UPK3A: variants seen among roughly 807,000 people sequenced by gnomAD.
The protein encoded by UPK3A is uroplakin 3A.
A neutral mutation model predicts 27.6 loss-of-function variants in UPK3A; 32 were observed. That is an observed-to-expected ratio of 1.16 (90% CI 0.87 to 1.55). The LOEUF is 1.55. Among genes scored for constraint, UPK3A ranks in the 40% most tolerant of loss-of-function variants. The pLI, the probability that UPK3A is intolerant of heterozygous loss-of-function variation, is 0.00. For synonymous variants in UPK3A, 171 were observed against 163.9 expected (o/e 1.04, Z -0.33); for missense variants, 370 against 367.9 (o/e 1.01, Z -0.05).
Position 45,290,245 on chromosome 22 carries a change from T to C in UPK3A, c.571+1102T>C, listed in dbSNP as rs111796022. On this transcript the variant is annotated intron_variant, in intron 4 of 5. Coordinates refer to ENST00000216211, the MANE Select transcript of UPK3A (RefSeq NM_006953.4). The stretch of plus-strand genomic sequence containing the variant: ...TGATGGTAATTTTGGGCAAATGATA[T>C]CCTAACTTAAGACCTCCTCCCGCCA... Among the ~76,000 whole-genome samples the C allele has an allele frequency of 7.5e-3, 1,136 of 152,098 alleles. 11 individuals are homozygous for C. The highest frequency in any genetic ancestry group is 0.025 in the African/African-American group (1,055 of 41,472).
At chr22:45,290,841 C>T (rs956387949) in intron 4 of UPK3A, among the ~76,000 whole-genome samples, 1 of 152,108 alleles carries the variant, frequency 6.6e-6, no homozygotes, top group Admixed American at 6.5e-5. Flanking sequence ...GAGCGCGAAC[C>T]CTGTTGTGAA....
chr22:45,295,168 C>T (rs182107440), intron 5 of UPK3A, among the ~76,000 whole-genome samples: 2 of 152,096 alleles, frequency 1.3e-5, no homozygotes, highest in African/African-American at 2.4e-5. Flanking sequence ...GCACCCAGCC[C>T]ACACACCTTC....
intron 4 of UPK3A, among the ~76,000 whole-genome samples, chr22:45,291,721 TG>T (rs1480919415): frequency 2.4e-5 from 3 of 124,568 alleles, no homozygotes; most frequent in African/African-American, 6.3e-5. Flanking sequence ...GTGTGTGAGT[TG>T]GTATGCGTGG....
In UPK3A at chr22:45,293,507, G is replaced by A. The variant is rs149335095; in HGVS notation, c.704+194G>A. On this transcript the variant is annotated intron_variant, in intron 5 of 5. Transcript: ENST00000216211. The stretch of plus-strand genomic sequence containing the variant: ...ATTTCAAAGCGGGAGGATCATCAAA[G>A]TCAAGTTGCTCAGCTGGGAAGGGTG... 1.7e-3 allele frequency among the ~76,000 whole-genome samples: 265 copies of A among 152,254 alleles called. 5 individuals carry two copies. Among genetic ancestry groups the A allele is most frequent in the African/African-American group, 5.9e-3 (247 of 41,552 alleles).
intron 5 of UPK3A, among the ~76,000 whole-genome samples, chr22:45,294,211 C>T (rs574435122): frequency 6.6e-6 from 1 of 152,148 alleles, no homozygotes; most frequent in Admixed American, 6.5e-5. Flanking sequence ...AGAGAGGTCC[C>T]AGTGTGGGTA....
At position 45,285,960 on chromosome 22, in the gene UPK3A, A is replaced by G. The variant is rs190627464; in HGVS notation, c.72A>G (p.Gln24=). 16 of 1,614,054 alleles carry G rather than the reference A, an allele frequency of 9.9e-6. No individual in the cohort carries two copies. Among genetic ancestry groups the G allele is most frequent in the East Asian group, 2.2e-5 (1 of 44,884 alleles). ...CTCCAGCTGTGAACCTGCAGCCCCA[A>G]CTGGCCAGTGTGACTTTCGCCACCA... ...RFGSAVNLQP[Q]LASVTFATNN... The change falls in exon 2 of 6, where the codon CAA becomes CAG. Residue 24 remains glutamine, a synonymous_variant. Transcript: ENST00000216211.
Position 45,287,592 on chromosome 22 carries a change from G to A in UPK3A, c.488+141G>A. The stretch of plus-strand genomic sequence containing the variant: ...TCCCAGGTTCCAGGCAGGCCACGCT[G>A]AGCCTCAAGTTCAGAAGAGGCCCCT... On this transcript the variant is annotated intron_variant, in intron 3 of 5. Coordinates refer to ENST00000216211, the MANE Select transcript of UPK3A (RefSeq NM_006953.4). The A allele has an allele frequency of 5.6e-6, 6 of 1,078,116 alleles. 1 individual carries two copies. In the South Asian group the frequency reaches 7.1e-5, roughly 13 times the overall value. The allele number at this position is 1,078,116 out of a possible 1,614,324, so 66.8% of individuals were successfully genotyped here.
chr22:45,287,221 C>T lies in UPK3A; in HGVS notation c.258C>T (p.Gly86=), dbSNP rs1344819202. The T allele has an allele frequency of 6.2e-7, 1 of 1,614,126 alleles. No homozygotes were observed. Among genetic ancestry groups the T allele is most frequent in the Non-Finnish European group, 8.5e-7 (1 of 1,180,054 alleles). The change falls in exon 3 of 6, where the codon GGC becomes GGT. Residue 86 remains glycine, a synonymous_variant. Transcript: ENST00000216211. ...SVQDSTNTPL[G]STFLQTEGGR... is the part of the protein sequence containing the mutation. Reference sequence around the variant, plus strand: ...AAGACAGCACCAACACCCCACTGGGCTCAACGTTCCTACAAACAGAGGGTG... The same window carrying T: ...AAGACAGCACCAACACCCCACTGGGTTCAACGTTCCTACAAACAGAGGGTG...
chr22:45,286,249 C>T (rs572489711), intron 2 of UPK3A, among the ~76,000 whole-genome samples, 153 bp downstream of exon 2: 5 of 152,282 alleles, frequency 3.3e-5, no homozygotes, highest in African/African-American at 1.2e-4. Context: ...CTTGCAGGGA[C>T]ATCCAGTTAG....
At position 45,285,814 on chromosome 22, in the gene UPK3A, T is replaced by C. The variant is rs960772349; in HGVS notation, c.53-127T>C. ...GCAGGGGGCAGTGTCTGAGACAGCT[T>C]ATGCGGTGGCCCAGGGGGAGGGTGA... On this transcript the variant is annotated intron_variant, in intron 1 of 5. Transcript: ENST00000216211. 2.2e-6 allele frequency: 3 copies of C among 1,366,348 alleles called. No homozygotes were observed. In the African/African-American group the frequency reaches 4.3e-5, roughly 20 times the overall value. The allele number at this position is 1,366,348 out of a possible 1,614,324, so 84.6% of individuals were successfully genotyped here. A position where few individuals can be genotyped will look rare whatever the true frequency, so the allele number is the denominator to read the frequency against.
In UPK3A at chr22:45,289,124, C is replaced by T. The variant is rs921950867; in HGVS notation, c.552C>T (p.Asp184=). Residue 184 remains aspartate, a synonymous_variant, in exon 4 of 6, where the codon GAC becomes GAT. Transcript: ENST00000216211. ...TAGAGGACCAGACCCTGTGGTCAGACCCCATCCGCACCAACCAGCGTAAGT... is the reference window on the plus strand; with the variant it reads ...TAGAGGACCAGACCCTGTGGTCAGATCCCATCCGCACCAACCAGCGTAAGT... The part of the protein sequence containing the change: ...GLVEDQTLWS[D]PIRTNQLTPY... The T allele has an allele frequency of 1.2e-6, 2 of 1,613,922 alleles. No individual in the cohort carries two copies. Among genetic ancestry groups the T allele is most frequent in the Admixed American group, 1.7e-5 (1 of 60,016 alleles).
chr22:45,289,418 A>G (rs1041315371), intron 4 of UPK3A, among the ~76,000 whole-genome samples: 2 of 151,960 alleles, frequency 1.3e-5, no homozygotes, highest in African/African-American at 4.8e-5. Context: ...TCCTAAAAAT[A>G]CAAAAACAAA....
rs527436531 is a variant in UPK3A, at chr22:45,285,986, A to G, written c.98A>G (p.Asn33Ser). The change falls in exon 2 of 6, where the codon AAC (asparagine) becomes AGC (serine). Residue 33 changes from asparagine to serine, a missense_variant. Physicochemically the swap from Asn to Ser is conservative, Grantham distance 46. Transcript: ENST00000216211. ...CTGGCCAGTGTGACTTTCGCCACCA[A>G]CAACCCCACACTTACCACTGTGGCC... is the stretch of plus-strand genomic sequence containing the variant. ...PQLASVTFAT[N>S]NPTLTTVALE... The G allele has an allele frequency of 1.2e-6, 2 of 1,614,100 alleles. No homozygotes were observed. The highest frequency in any genetic ancestry group is 1.3e-5 in the African/African-American group (1 of 75,016).
At position 45,289,075 on chromosome 22, in the gene UPK3A, T is replaced by C. The variant is rs1378914873; in HGVS notation, c.503T>C (p.Leu168Pro). 6.2e-7 allele frequency: 1 copy of C among 1,613,840 alleles called. No individual in the cohort carries two copies. Among genetic ancestry groups the C allele is most frequent in the African/African-American group, 1.3e-5 (1 of 74,930 alleles). The change falls in exon 4 of 6, where the codon CTG (leucine) becomes CCG (proline). Residue 168 changes from leucine to proline, a missense_variant. Leu to Pro is a moderately conservative substitution (Grantham distance 98). Coordinates refer to ENST00000216211, the MANE Select transcript of UPK3A (RefSeq NM_006953.4). Reference sequence around the variant, plus strand: ...TCTCCTTCCAGGTTCAAGTATGTCCTGGTCAATATGTCCACGGGCTTGGTA... The same window carrying C: ...TCTCCTTCCAGGTTCAAGTATGTCCCGGTCAATATGTCCACGGGCTTGGTA... ...AATEYRFKYV[L>P]VNMSTGLVED... is the part of the protein sequence containing the mutation.
At chr22:45,293,334 A>C in intron 5 of UPK3A, 21 bp downstream of exon 5, 2 of 1,613,136 alleles carry the variant, frequency 1.2e-6, no homozygotes, top group East Asian at 4.5e-5. Flanking sequence ...GCCTGCTGGG[A>C]GGGCTGGACC....
chr22:45,290,910 T>A (rs1746755032), intron 4 of UPK3A, among the ~76,000 whole-genome samples: 1 of 152,154 alleles, frequency 6.6e-6, no homozygotes. Flanking sequence ...CCCGATGATG[T>A]GTCACTGTCT....
At chr22:45,294,824 A>T (rs2084184298) in intron 5 of UPK3A, among the ~76,000 whole-genome samples, 1 of 148,796 alleles carries the variant, frequency 6.7e-6, no homozygotes, top group South Asian at 2.1e-4. Context: ...TTCCTGCCTC[A>T]CACCCACCAT....
At chr22:45,294,967 G>A (rs935641774) in intron 5 of UPK3A, among the ~76,000 whole-genome samples, 1 of 150,100 alleles carries the variant, frequency 6.7e-6, no homozygotes, top group Admixed American at 6.7e-5. Flanking sequence ...CCAGGTTCAA[G>A]CGATACTCCT....
rs2084116330 is a variant in UPK3A at position 45,286,096 on chromosome 22, G to A, written c.208G>A (p.Ala70Thr). 1 of 1,614,136 alleles carries A rather than the reference G, an allele frequency of 6.2e-7. No individual in the cohort carries two copies. Among genetic ancestry groups the A allele is most frequent in the South Asian group, 1.1e-5 (1 of 91,080 alleles). The change falls in exon 2 of 6, where the codon GCC (alanine) becomes ACC (threonine). Residue 70 changes from alanine to threonine, a missense_variant and splice_region_variant. Physicochemically the swap from Ala to Thr is moderately conservative, Grantham distance 58. Coordinates refer to ENST00000216211, the MANE Select transcript of UPK3A (RefSeq NM_006953.4). ...CTACCTGTATGTCCTGGTCGACTCA[G>A]GTAAGGGTCCTGCTTCCCTCTGGCT... ...EVYLYVLVDS[A>T]ISRNASVQDS...
Sources: gnomAD v4.1 joint callset for allele counts (sites outside exome capture counted in the v4.1 genomes callset) on GRCh38, gnomAD v4.1.1 for gene constraint, MANE v1.5 for transcripts, NCBI Gene and HGNC (gene_info 2026-07-23, HGNC 2026-07-21) for gene names.